RYR1: variants seen among roughly 807,000 people sequenced by gnomAD.
RYR1 encodes the protein ryanodine receptor 1.
RYR1 carries 342 observed loss-of-function variants against 583.5 expected under a neutral mutation model. That is an observed-to-expected ratio of 0.59 (90% CI 0.54 to 0.64). RYR1 has a LOEUF of 0.64. Ranked by LOEUF, RYR1 falls within the 30% of genes least tolerant of loss-of-function variation. The probability of loss-of-function intolerance (pLI) is 0.00; values close to 1 mark genes in which losing one functional copy is unlikely to be tolerated. For synonymous variants in RYR1, 2,791 were observed against 2,822.5 expected (o/e 0.99, Z 0.35); for missense variants, 6,032 against 6,917.2 (o/e 0.87, Z 4.54).
rs374061380 is a variant in RYR1 at position 38,525,453 on chromosome 19, C to T, written c.10577C>T (p.Ala3526Val). The change falls in exon 71 of 106, where the codon GCG becomes GTG. Residue 3526 changes from alanine to valine, a missense_variant. Physicochemically the swap from Ala to Val is moderately conservative, Grantham distance 64. Transcript: ENST00000359596. Reference sequence around the variant, plus strand: ...CTGCCCATCGGCCTGAATATGTGTGCGCCCACCGACCAAGACCTCATCACG... The same window carrying T: ...CTGCCCATCGGCCTGAATATGTGTGTGCCCACCGACCAAGACCTCATCACG... ...KMLPIGLNMC[A>V]PTDQDLITLA... 2.3e-5 allele frequency: 37 copies of T among 1,613,870 alleles called. No homozygotes were observed. Among genetic ancestry groups the T allele is most frequent in the African/African-American group, 5.3e-5 (4 of 74,840 alleles).
At chr19:38,584,284 C>T in intron 101 of RYR1, among the ~76,000 whole-genome samples, 1 of 128,598 alleles carries the variant, frequency 7.8e-6, no homozygotes. Context: ...GGCCCTGATC[C>T]CTACACCTGT....
intron 49 of RYR1, 142 bp downstream of exon 49, chr19:38,503,112 C>G (rs1056312488): frequency 3.8e-6 from 3 of 793,954 alleles, no homozygotes; most frequent in Non-Finnish European, 6.4e-6. Context: ...CCGTAGAAAT[C>G]TCTTAGCATC....
chr19:38,489,160 G>C lies in RYR1; in HGVS notation c.5548-17G>C. ...GCCTTGCAGGCCACAGTGAAGAACC[G>C]AGACTTTGTCCTGTAGGTGATGGGC... On this transcript the variant is annotated splice_polypyrimidine_tract_variant and intron_variant, in intron 34 of 105. Transcript: ENST00000359596. 6.2e-7 allele frequency: 1 copy of C among 1,613,932 alleles called. No individual in the cohort carries two copies. The highest frequency in any genetic ancestry group is 1.3e-5 in the African/African-American group (1 of 75,058).
chr19:38,452,878 T>C lies in RYR1; in HGVS notation c.1304T>C (p.Leu435Pro). 3.7e-6 allele frequency: 6 copies of C among 1,611,586 alleles called. No homozygotes were observed. Among genetic ancestry groups the C allele is most frequent in the Non-Finnish European group, 5.1e-6 (6 of 1,178,934 alleles). Residue 435 changes from leucine to proline, a missense_variant, in exon 13 of 106, where the codon CTG becomes CCG. Leu to Pro is a moderately conservative substitution (Grantham distance 98). Coordinates refer to ENST00000359596, the MANE Select transcript of RYR1 (RefSeq NM_000540.3). The part of the protein sequence containing the change: ...RGSGPPAGTA[L>P]PIEGVILSLQ... ...TCGGGGCCACCCGCTGGCACGGCGC[T>C]GCCCATCGAGGGCGTTATCCTGAGC...
At chr19:38,454,796 AAAAG>A (rs550086870) in intron 13 of RYR1, among the ~76,000 whole-genome samples, 99 of 151,500 alleles carry the variant, frequency 6.5e-4, no homozygotes, top group African/African-American at 2.1e-3. Flanking sequence ...TGTAAAAAAA[AAAAG>A]AAAAGAAAAG....
chr19:38,543,411 T>A lies in RYR1; in HGVS notation c.11754T>A (p.Thr3918=), dbSNP rs45613041. The change falls in exon 85 of 106, where the codon ACT becomes ACA. Residue 3918 remains threonine (T), a synonymous_variant. Transcript: ENST00000359596. The surrounding 1 kb of genome is among the most constrained non-coding windows in gnomAD (Gnocchi z 4.4). Reference sequence around the variant, plus strand: ...CCACTATTAACATCATCATTTGCACTGTGGACTACCTCCTGCGGCTGCAGG... The same window carrying A: ...CCACTATTAACATCATCATTTGCACAGTGGACTACCTCCTGCGGCTGCAGG... The part of the protein sequence containing the change: ...NTTTINIIIC[T]VDYLLRLQES... 0.023 allele frequency: 37,121 copies of A among 1,614,218 alleles called. 839 individuals are homozygous for A. Among genetic ancestry groups the A allele is most frequent in the Admixed American group, 0.1 (5,986 of 60,024 alleles).
intron 99 of RYR1, among the ~76,000 whole-genome samples, chr19:38,578,829 C>T (rs1974071757): frequency 6.6e-6 from 1 of 151,504 alleles, no homozygotes; most frequent in Non-Finnish European, 1.5e-5. Flanking sequence ...ATTAGCCAGG[C>T]AGACAGGCAC....
chr19:38,445,222 CAAAAAAAAAA>C (rs61419525), intron 7 of RYR1, among the ~76,000 whole-genome samples: 4 of 48,176 alleles, frequency 8.3e-5, no homozygotes, highest in Admixed American at 3.8e-4. Flanking sequence ...GACTCTGCCT[CAAAAAAAAAA>C]AAAAAAAAAA....
rs575607965 is a variant in RYR1, at chr19:38,500,484, A to G, written c.7324-122A>G. On this transcript the variant is annotated intron_variant, in intron 45 of 105. Transcript: ENST00000359596. The surrounding 1 kb of genome is among the most constrained non-coding windows in gnomAD (Gnocchi z 5.9). ...CAGAGGAACGAGGGCTGGAAACTCTAGACAGCCTCCTGAGAAAGAGGCCTG... is the reference window on the plus strand; with the variant it reads ...CAGAGGAACGAGGGCTGGAAACTCTGGACAGCCTCCTGAGAAAGAGGCCTG... The G allele has an allele frequency of 8.2e-5, 117 of 1,428,902 alleles. No homozygotes were observed. In the South Asian group the frequency reaches 1.2e-3, roughly 15 times the overall value. 88.5% of individuals were successfully genotyped at this position (1,428,902 alleles called of 1,614,324 possible).
intron 87 of RYR1, among the ~76,000 whole-genome samples, chr19:38,544,269 T>C (rs928030575): frequency 6.6e-6 from 1 of 152,246 alleles, no homozygotes; most frequent in African/African-American, 2.4e-5. Flanking sequence ...TTTGCTTCTT[T>C]ATCTTACTTG....
At chr19:38,445,633 T>G in intron 7 of RYR1, among the ~76,000 whole-genome samples, 1 of 152,050 alleles carries the variant, frequency 6.6e-6, no homozygotes, top group East Asian at 1.9e-4. Flanking sequence ...AAGCTCAGAC[T>G]TCCAAACCCT....
At chr19:38,551,200 C>T (rs561464668) in intron 89 of RYR1, among the ~76,000 whole-genome samples, 6 of 151,722 alleles carry the variant, frequency 4.0e-5, no homozygotes, top group African/African-American at 1.4e-4. Flanking sequence ...GTATGCACCA[C>T]CATGCCTGGC....
Position 38,580,772 on chromosome 19 carries a change from A to C in RYR1, c.14646+268A>C, listed in dbSNP as rs142248735. On this transcript the variant is annotated intron_variant, in intron 101 of 105. Coordinates refer to ENST00000359596, the MANE Select transcript of RYR1 (RefSeq NM_000540.3). ...TAAGGCAAGAGGATCACTTGGTCCC[A>C]GCAGTTTGAGGCTTTAGTGAGCTAC... Among the ~76,000 whole-genome samples the C allele has an allele frequency of 4.6e-5, 7 of 152,294 alleles. No individual in the cohort carries two copies. In the East Asian group the frequency reaches 1.4e-3, roughly 29 times the overall value.
chr19:38,511,428 T>G, intron 60 of RYR1, 133 bp from the exon 61 acceptor site: 1 of 899,974 alleles, frequency 1.1e-6, no homozygotes, highest in Non-Finnish European at 1.8e-6. Context: ...TCTCCATCAT[T>G]TGGACCCCCT....
At chr19:38,559,708 C>T (rs1219040263) in intron 89 of RYR1, among the ~76,000 whole-genome samples, 1 of 152,108 alleles carries the variant, frequency 6.6e-6, no homozygotes, top group African/African-American at 2.4e-5. Context: ...AAGCATTTTG[C>T]AAAGTTCTGG....
rs373028718 is a variant in RYR1, at chr19:38,561,722, T to C, written c.12624+268T>C. The stretch of plus-strand genomic sequence containing the variant: ...AAGCAGGGTCAGTGTGTCCTGACTG[T>C]GGCTGCTCACACGCCATGCTTTCCC... On this transcript the variant is annotated intron_variant, in intron 90 of 105. Coordinates refer to ENST00000359596, the MANE Select transcript of RYR1 (RefSeq NM_000540.3). This position sits in a 1 kb window ranked among gnomAD's most constrained non-coding sequence, Gnocchi z 4.8. Among the ~76,000 whole-genome samples, 12 of 152,282 alleles carry C rather than the reference T, an allele frequency of 7.9e-5. No individual in the cohort carries two copies. The East Asian group carries it at 1.5e-3, about 20-fold the overall frequency.
intron 9 of RYR1, 78 bp from the exon 10 acceptor site, chr19:38,448,277 G>T: frequency 6.7e-7 from 1 of 1,495,248 alleles, no homozygotes; most frequent in Non-Finnish European, 9.0e-7. Context: ...GTAAAAAAAA[G>T]AAAAAGAAGA....
At chr19:38,471,838 G>T (rs1208065413) in intron 27 of RYR1, among the ~76,000 whole-genome samples, 1 of 144,944 alleles carries the variant, frequency 6.9e-6, no homozygotes, top group Non-Finnish European at 1.5e-5. Flanking sequence ...GGAGGCAAAA[G>T]TTGCAGTCAG....
intron 70 of RYR1, among the ~76,000 whole-genome samples, chr19:38,524,598 G>A (rs978525400): frequency 2.6e-5 from 4 of 152,238 alleles, no homozygotes; most frequent in Non-Finnish European, 2.9e-5. Flanking sequence ...GACTGGGGTG[G>A]CCCTGGCCCC....
Sources: gnomAD v4.1 joint callset for allele counts (sites outside exome capture counted in the v4.1 genomes callset) on GRCh38, gnomAD v4.1.1 for gene constraint, Gnocchi (gnomAD v3.1) non-coding constraint, MANE v1.5 for transcripts, NCBI Gene and HGNC (gene_info 2026-07-23, HGNC 2026-07-21) for gene names.